SEMA4D: variants seen among roughly 807,000 people sequenced by gnomAD.
The protein encoded by SEMA4D is semaphorin 4D, also known as semaphorin-4D.
SEMA4D carries 22 observed loss-of-function variants against 74.8 expected under a neutral mutation model. The ratio of observed to expected loss-of-function variants is 0.29; its 90% CI spans 0.21 to 0.42. The LOEUF is 0.42. Among genes scored for constraint, SEMA4D ranks in the 10% least tolerant of loss-of-function variants. SEMA4D has a pLI of 1.00. For synonymous variants in SEMA4D, 445 were observed against 463.7 expected, an observed-to-expected ratio of 0.96 and a Z score of 0.52; for missense variants, 937 against 1,118.4, an observed-to-expected ratio of 0.84 and a Z score of 2.31.
chr9:89,405,271 C>T, intron 3 of SEMA4D, 80 bp downstream of exon 3: 1 of 1,296,254 alleles, frequency 7.7e-7, no homozygotes, highest in Non-Finnish European at 1.1e-6. Flanking sequence ...CTGTCCCGTC[C>T]CCAGCCACCC....
intron 2 of SEMA4D, chr9:89,418,232 C>G (rs1846125210): frequency 1.4e-6 from 1 of 701,992 alleles, no homozygotes; most frequent in African/African-American, 1.9e-5. Context: ...TTTAAACCTT[C>G]TAGACTTCCT....
chr9:89,469,528 A>G (rs1435659259), intron 1 of SEMA4D, among the ~76,000 whole-genome samples: 1 of 152,246 alleles, frequency 6.6e-6, no homozygotes, highest in African/African-American at 2.4e-5. Flanking sequence ...CCTCAACCAA[A>G]TATTAGCAAA....
chr9:89,424,374 C>A (rs768475838), intron 2 of SEMA4D, among the ~76,000 whole-genome samples: 5 of 152,180 alleles, frequency 3.3e-5, no homozygotes, highest in Admixed American at 1.3e-4. Flanking sequence ...CCTAGATCAA[C>A]GTCAATCTCC....
At chr9:89,365,817 T>C (rs967053719) in intron 16 of SEMA4D, among the ~76,000 whole-genome samples, 4 of 152,252 alleles carry the variant, frequency 2.6e-5, no homozygotes, top group Admixed American at 6.5e-5. Flanking sequence ...TTTCCATTTC[T>C]GTGGCACATG....
chr9:89,396,889 C>T lies in SEMA4D; in HGVS notation c.316-54G>A, dbSNP rs577046151. On this transcript the variant is annotated intron_variant, in intron 5 of 15. Transcript: ENST00000422704. Reference sequence around the variant, plus strand: ...AACCGTCCAGCCCAGATGCCCTCCACTATTCAAACTGCTCACGCCGTTCAT... The same window carrying T: ...AACCGTCCAGCCCAGATGCCCTCCATTATTCAAACTGCTCACGCCGTTCAT... 1.3e-4 allele frequency: 187 copies of T among 1,477,450 alleles called. 1 individual carries two copies. The African/African-American group carries it at 2.3e-3, about 18-fold the overall frequency. The allele number at this position is 1,477,450 out of a possible 1,614,324, so 91.5% of individuals were successfully genotyped here.
At chr9:89,430,996 A>C (rs892074451) in intron 2 of SEMA4D, among the ~76,000 whole-genome samples, 1 of 152,204 alleles carries the variant, frequency 6.6e-6, no homozygotes, top group African/African-American at 2.4e-5. Context: ...ATACCAAAAA[A>C]CAAATAGGCA....
chr9:89,451,766 T>TAAA (rs35992699), intron 2 of SEMA4D, among the ~76,000 whole-genome samples: 16 of 150,382 alleles, frequency 1.1e-4, no homozygotes, highest in South Asian at 2.1e-4. Context: ...TTTGCTCATT[T>TAAA]AAAAAAAAAA....
intron 1 of SEMA4D, among the ~76,000 whole-genome samples, chr9:89,493,548 T>C (rs1488788676): frequency 1.3e-5 from 2 of 152,180 alleles, no homozygotes; most frequent in African/African-American, 4.8e-5. Flanking sequence ...CTTTCTGTCC[T>C]TCCAAACAAA....
intron 2 of SEMA4D, among the ~76,000 whole-genome samples, chr9:89,432,730 T>C (rs2134698079): frequency 6.6e-6 from 1 of 152,226 alleles, no homozygotes; most frequent in East Asian, 1.9e-4. Context: ...AAAAATGGAA[T>C]ACAAGTGTTG....
rs142056280 is a variant in SEMA4D, at chr9:89,494,331, G to A, written c.-310+3588C>T. Among the ~76,000 whole-genome samples the A allele has an allele frequency of 9.6e-4, 146 of 151,978 alleles. 1 individual carries two copies. The East Asian group carries it at 0.024, about 25-fold the overall frequency. On this transcript the variant is annotated intron_variant, in intron 1 of 15. Coordinates refer to ENST00000422704, the MANE Select transcript of SEMA4D (RefSeq NM_001371194.2). Reference sequence around the variant, plus strand: ...CACACACTCACTCACATTCACACACGCCCCACCCTTTGCTAACTGTGGAGT... The same window carrying A: ...CACACACTCACTCACATTCACACACACCCCACCCTTTGCTAACTGTGGAGT...
Position 89,388,747 on chromosome 9 carries a change from T to C in SEMA4D, c.996A>G (p.Thr332=). 2 of 1,611,460 alleles carry C rather than the reference T, an allele frequency of 1.2e-6. No homozygotes were observed. Among genetic ancestry groups the C allele is most frequent in the Non-Finnish European group, 1.7e-6 (2 of 1,179,120 alleles). Residue 332 remains threonine, a synonymous_variant, in exon 11 of 16, where the codon ACA becomes ACG. Coordinates refer to ENST00000422704, the MANE Select transcript of SEMA4D (RefSeq NM_001371194.2). ...LSAVCAYNLS[T]AEEVFSHGKY... is the part of the protein sequence containing the mutation. ...TCCCGTGGGAGAAGACCTCCTCGGC[T>C]GTGGACAGGTTGTAGGCGCACACTG...
intron 2 of SEMA4D, among the ~76,000 whole-genome samples, chr9:89,410,300 G>A (rs1844249336): frequency 6.6e-6 from 1 of 152,202 alleles, no homozygotes; most frequent in Non-Finnish European, 1.5e-5. Flanking sequence ...AATGAGTTCT[G>A]AGTATTTTAC....
chr9:89,426,914 C>T (rs569849772), intron 2 of SEMA4D, among the ~76,000 whole-genome samples: 1 of 152,268 alleles, frequency 6.6e-6, no homozygotes, highest in East Asian at 1.9e-4. Flanking sequence ...ACCACAACAC[C>T]CGGCTACGAT....
Position 89,379,376 on chromosome 9 carries a change from G to C in SEMA4D, c.1917C>G (p.Val639=). ...RVKNKTVFQV[V]AKHVLEVKVV... ...CCTTCACTTCCAGGACGTGCTTGGC[G>C]ACCACTTGGAAGACCGTTTTGTTCT... The change falls in exon 16 of 16, where the codon GTC becomes GTG. Residue 639 remains valine (V), a synonymous_variant. Coordinates refer to ENST00000422704, the MANE Select transcript of SEMA4D (RefSeq NM_001371194.2). 2.5e-6 allele frequency: 4 copies of C among 1,614,122 alleles called. No homozygotes were observed. Among genetic ancestry groups the C allele is most frequent in the Non-Finnish European group, 3.4e-6 (4 of 1,180,030 alleles).
intron 2 of SEMA4D, among the ~76,000 whole-genome samples, chr9:89,408,978 G>A (rs138300436): frequency 3.3e-5 from 5 of 152,226 alleles, no homozygotes; most frequent in Admixed American, 6.5e-5. Flanking sequence ...AGACGGATGC[G>A]GAGCCTGCAG....
chr9:89,450,687 A>AAAAAG lies in SEMA4D; in HGVS notation c.-244+5200_-244+5201insCTTTT, dbSNP rs1372309489. The AAAAAG allele has an allele frequency of 1.3e-5, 13 of 982,490 alleles. No individual in the cohort carries two copies. The African/African-American group carries it at 2.4e-4, about 18-fold the overall frequency. 60.9% of individuals were successfully genotyped at this position (982,490 alleles called of 1,614,324 possible). A position where few individuals can be genotyped will look rare whatever the true frequency, so the allele number is the denominator to read the frequency against. On this transcript the variant is annotated intron_variant, in intron 2 of 15. Transcript: ENST00000422704. ...AAAAAAAAAAAAAAAAAAAAAAAAA[A>AAAAAG]GGCCTCCAAGACTGCAGAGAATGCC...
At chr9:89,426,535 C>T (rs1170498757) in intron 2 of SEMA4D, among the ~76,000 whole-genome samples, 1 of 152,166 alleles carries the variant, frequency 6.6e-6, no homozygotes, top group Non-Finnish European at 1.5e-5. Context: ...CAGAGCTCTG[C>T]GAAGGCCCCA....
At chr9:89,462,364 T>C (rs1230792088) in intron 1 of SEMA4D, among the ~76,000 whole-genome samples, 3 of 152,188 alleles carry the variant, frequency 2.0e-5, no homozygotes, top group African/African-American at 7.2e-5. Flanking sequence ...CAAAAGCCCA[T>C]AAGGCTAGCT....
At chr9:89,402,375 ACGTT>A (rs1842396981) in intron 4 of SEMA4D, among the ~76,000 whole-genome samples, 2 of 152,118 alleles carry the variant, frequency 1.3e-5, no homozygotes, top group Admixed American at 1.3e-4. Context: ...TTCAAACTAA[ACGTT>A]TGAACCAACT....
Sources: gnomAD v4.1 joint callset for allele counts (sites outside exome capture counted in the v4.1 genomes callset) on GRCh38, gnomAD v4.1.1 for gene constraint, MANE v1.5 for transcripts, NCBI Gene and HGNC (gene_info 2026-07-23, HGNC 2026-07-21) for gene names.